The following RBFOX1 variants were observed in gnomAD, a reference collection of about 807,000 sequenced individuals.
RBFOX1 encodes the protein RNA binding fox-1 homolog 1.
Under a neutral mutation model 57.7 loss-of-function variants are expected in RBFOX1, and 8 were observed. The observed-to-expected ratio is 0.14, with a 90% CI of 0.08 to 0.25. The LOEUF (loss-of-function observed/expected upper bound fraction) is 0.25, where lower values mean the gene tolerates loss of function less well. Among genes scored for constraint, RBFOX1 ranks in the 10% least tolerant of loss-of-function variants. RBFOX1 has a pLI of 1.00. For missense variants in RBFOX1, 611 were observed against 548.5 expected (o/e 1.11, Z -1.14); for synonymous variants, 326 against 222.4 (o/e 1.47, Z -4.15).
chr16:6,442,426 A>G (rs2094402680), intron 2 of RBFOX1, among the ~76,000 whole-genome samples: 1 of 152,032 alleles, frequency 6.6e-6, no homozygotes, highest in African/African-American at 2.4e-5. Context: ...GCATGGTGGC[A>G]CGCGCCTGTA....
intron 4 of RBFOX1, among the ~76,000 whole-genome samples, chr16:5,897,192 C>T (rs1028839521): frequency 2.6e-5 from 4 of 151,942 alleles, no homozygotes; most frequent in Non-Finnish European, 4.4e-5. Context: ...CCCGCCACCG[C>T]GCCCGGCTAA....
chr16:6,323,492 T>C (rs1024606697), intron 2 of RBFOX1, among the ~76,000 whole-genome samples: 1 of 152,122 alleles, frequency 6.6e-6, no homozygotes, highest in Non-Finnish European at 1.5e-5. Flanking sequence ...ATATTTTGAA[T>C]GAGTTGTTCA....
intron 3 of RBFOX1, among the ~76,000 whole-genome samples, chr16:6,831,235 C>G (rs1244041221): frequency 6.6e-6 from 1 of 152,168 alleles, no homozygotes; most frequent in Non-Finnish European, 1.5e-5. Flanking sequence ...CTTGGCTTGA[C>G]TTGGTCGAAT....
intron 2 of RBFOX1, among the ~76,000 whole-genome samples, chr16:6,562,932 C>T (rs2097203362): frequency 7.6e-6 from 1 of 131,424 alleles, no homozygotes; most frequent in Admixed American, 9.0e-5. Flanking sequence ...GGCAGAGAGC[C>T]ATAGGATGAG....
intron 4 of RBFOX1, among the ~76,000 whole-genome samples, chr16:5,871,043 A>G (rs1355242126): frequency 6.6e-6 from 1 of 152,224 alleles, no homozygotes; most frequent in African/African-American, 2.4e-5. Flanking sequence ...ATATGTGAAT[A>G]ACGTTTGCTA....
intron 2 of RBFOX1, chr16:6,483,103 C>A: frequency 9.9e-7 from 1 of 1,014,020 alleles, no homozygotes; most frequent in East Asian, 1.0e-4. Flanking sequence ...GGGCGGGACC[C>A]ACGCAGCCCC....
intron 3 of RBFOX1, among the ~76,000 whole-genome samples, chr16:6,968,122 C>G (rs1159196029): frequency 1.3e-5 from 2 of 152,022 alleles, no homozygotes; most frequent in East Asian, 3.9e-4. Flanking sequence ...ACTTGCAACC[C>G]CGCACAGACA....
chr16:6,463,063 C>T (rs1023304185), intron 2 of RBFOX1, among the ~76,000 whole-genome samples: 1 of 152,122 alleles, frequency 6.6e-6, no homozygotes, highest in African/African-American at 2.4e-5. Flanking sequence ...TTTGTGATCA[C>T]TTTTATTAAT....
At chr16:6,718,558 G>T (rs1211729863) in intron 3 of RBFOX1, among the ~76,000 whole-genome samples, 1 of 152,182 alleles carries the variant, frequency 6.6e-6, no homozygotes, top group African/African-American at 2.4e-5. Flanking sequence ...ACCTGACATG[G>T]TTTGGATTTG....
chr16:7,631,313 G>T (rs1054374406), intron 11 of RBFOX1, among the ~76,000 whole-genome samples: 1 of 152,190 alleles, frequency 6.6e-6, no homozygotes, highest in South Asian at 2.1e-4. Context: ...CAGTGCGGGA[G>T]GGAAGAGACC....
intron 4 of RBFOX1, among the ~76,000 whole-genome samples, chr16:7,091,926 C>G (rs554053707): frequency 6.6e-6 from 1 of 152,302 alleles, no homozygotes; most frequent in South Asian, 2.1e-4. Context: ...AATTTAAGGT[C>G]TTTCAGGACA....
At chr16:5,729,733 C>T (rs1167551108) in intron 3 of RBFOX1, among the ~76,000 whole-genome samples, 1 of 152,114 alleles carries the variant, frequency 6.6e-6, no homozygotes, top group East Asian at 1.9e-4. Context: ...ACTCTTATCG[C>T]AACTGGGGTT....
At chr16:6,966,688 G>T (rs921485255) in intron 3 of RBFOX1, among the ~76,000 whole-genome samples, 3 of 152,164 alleles carry the variant, frequency 2.0e-5, no homozygotes, top group African/African-American at 7.2e-5. Flanking sequence ...GGGCTGAAGT[G>T]AAGCGAAATT....
At chr16:6,036,140 G>C (rs2095362446) in intron 1 of RBFOX1, among the ~76,000 whole-genome samples, 1 of 152,156 alleles carries the variant, frequency 6.6e-6, no homozygotes, top group Non-Finnish European at 1.5e-5. Context: ...GTGTACAATG[G>C]GAACTGAGAC....
intron 3 of RBFOX1, among the ~76,000 whole-genome samples, chr16:5,706,699 G>A (rs1267827728): frequency 1.3e-5 from 2 of 152,116 alleles, no homozygotes; most frequent in Middle Eastern, 3.2e-3. Flanking sequence ...AGCACTGGTT[G>A]CCAAATGAAA....
At chr16:5,889,115 G>A (rs2057978160) in intron 4 of RBFOX1, among the ~76,000 whole-genome samples, 1 of 152,164 alleles carries the variant, frequency 6.6e-6, no homozygotes, top group South Asian at 2.1e-4. Context: ...TTTAAGTTGT[G>A]AGGTCCATGT....
chr16:6,121,704 G>A (rs1037213809), intron 1 of RBFOX1, among the ~76,000 whole-genome samples: 2 of 152,106 alleles, frequency 1.3e-5, no homozygotes, highest in Admixed American at 6.6e-5. Context: ...AAGGTCAAGG[G>A]TGTCAGGGCT....
At chr16:5,839,640 A>T (rs1360812068) in intron 3 of RBFOX1, among the ~76,000 whole-genome samples, 1 of 152,224 alleles carries the variant, frequency 6.6e-6, no homozygotes, top group Non-Finnish European at 1.5e-5. Context: ...GGACTAGTTC[A>T]ACAGCATCAG....
chr16:5,498,458 C>G (rs1337345199), intron 2 of RBFOX1, among the ~76,000 whole-genome samples: 1 of 152,100 alleles, frequency 6.6e-6, no homozygotes, highest in African/African-American at 2.4e-5. Context: ...TTCTAATTGG[C>G]AGCAGTAGTG....
Sources: gnomAD v4.1 joint callset for allele counts (sites outside exome capture counted in the v4.1 genomes callset) on GRCh38, gnomAD v4.1.1 for gene constraint, MANE v1.5 for transcripts, NCBI Gene and HGNC (gene_info 2026-07-23, HGNC 2026-07-21) for gene names.